FAT1: variants seen among roughly 807,000 people sequenced by gnomAD.
FAT1 encodes the protein FAT atypical cadherin 1.
FAT1 carries 171 observed loss-of-function variants against 329.8 expected under a neutral mutation model. That is an observed-to-expected ratio of 0.52 (90% CI 0.46 to 0.59). FAT1 has a LOEUF of 0.59. Ranked by LOEUF, FAT1 falls within the 20% of genes least tolerant of loss-of-function variation. The probability of loss-of-function intolerance (pLI) is 0.00; values close to 1 mark genes in which losing one functional copy is unlikely to be tolerated. For missense variants in FAT1, 5,672 were observed against 5,774.4 expected, an observed-to-expected ratio of 0.98 and a Z score of 0.57; for synonymous variants, 2,233 against 2,228.6, an observed-to-expected ratio of 1.00 and a Z score of -0.06.
intron 2 of FAT1, among the ~76,000 whole-genome samples, chr4:186,672,457 C>T (rs1336629924): frequency 6.6e-6 from 1 of 152,140 alleles, no homozygotes; most frequent in Non-Finnish European, 1.5e-5. Flanking sequence ...CACTGACCAC[C>T]ATGACCCAAT....
intron 2 of FAT1, among the ~76,000 whole-genome samples, chr4:186,684,653 A>C (rs1743380148): frequency 9.6e-6 from 1 of 104,256 alleles, no homozygotes; most frequent in South Asian, 3.9e-4. Flanking sequence ...TTAATCACTA[A>C]CTTGGGGGAT....
intron 26 of FAT1, among the ~76,000 whole-genome samples, chr4:186,592,139 G>A (rs1363213595): frequency 6.6e-6 from 1 of 152,084 alleles, no homozygotes; most frequent in East Asian, 1.9e-4. Context: ...CACTAATAAA[G>A]GGCTATTTTA....
At chr4:186,647,355 T>C (rs1311298781) in intron 3 of FAT1, among the ~76,000 whole-genome samples, 1 of 152,186 alleles carries the variant, frequency 6.6e-6, no homozygotes, top group Non-Finnish European at 1.5e-5. Context: ...CTACCTTTAT[T>C]TTTAAGATAT....
At chr4:186,609,040 G>A in intron 16 of FAT1, 143 bp downstream of exon 16, 2 of 763,564 alleles carry the variant, frequency 2.6e-6, no homozygotes, top group East Asian at 5.5e-5. Flanking sequence ...TAGTGTCATT[G>A]CTTTTCGAGT....
At chr4:186,681,541 C>A (rs1743205935) in intron 2 of FAT1, among the ~76,000 whole-genome samples, 1 of 152,138 alleles carries the variant, frequency 6.6e-6, no homozygotes, top group Admixed American at 6.5e-5. Context: ...GCCCAGGTGA[C>A]ATTCCTTATC....
intron 26 of FAT1, 47 bp downstream of exon 26, chr4:186,595,642 C>A: frequency 6.2e-7 from 1 of 1,606,954 alleles, no homozygotes; most frequent in South Asian, 1.1e-5. Context: ...AACACAGTAA[C>A]ACAACAAGCA....
intron 3 of FAT1, among the ~76,000 whole-genome samples, chr4:186,641,001 AT>A (rs1335133940): frequency 6.6e-6 from 1 of 152,210 alleles, no homozygotes; most frequent in Non-Finnish European, 1.5e-5. Flanking sequence ...AATAATTCAC[AT>A]TTAAGAATAG....
At chr4:186,643,993 T>C (rs1352523972) in intron 3 of FAT1, among the ~76,000 whole-genome samples, 1 of 152,164 alleles carries the variant, frequency 6.6e-6, no homozygotes, top group Non-Finnish European at 1.5e-5. Context: ...AAGGAAACTG[T>C]ACAGAACTTC....
In FAT1 at chr4:186,619,953, G is replaced by T. The variant is rs1739947956; in HGVS notation, c.6633C>A (p.Gly2211=). 1 of 1,613,842 alleles carries T rather than the reference G, an allele frequency of 6.2e-7. No homozygotes were observed. Among genetic ancestry groups the T allele is most frequent in the African/African-American group, 1.3e-5 (1 of 74,906 alleles). ...CTGTGATGCTGTAGAACACTTTCAG[G>T]CCTTCCGGGCTGTTAGCCTGCACGT... ...VVHVQANSPE[G]LKVFYSITDG... is the part of the protein sequence containing the mutation. Residue 2211 remains glycine, a synonymous_variant, in exon 10 of 27, where the codon GGC becomes GGA. Coordinates refer to ENST00000441802, the MANE Select transcript of FAT1 (RefSeq NM_005245.4).
chr4:186,600,487 C>G, intron 21 of FAT1, 127 bp from the exon 22 acceptor site: 1 of 701,670 alleles, frequency 1.4e-6, no homozygotes. Context: ...TTAAGTACTA[C>G]AGAGCACAGA....
At chr4:186,671,430 G>A (rs1041844805) in intron 2 of FAT1, among the ~76,000 whole-genome samples, 30 of 152,316 alleles carry the variant, frequency 2.0e-4, no homozygotes, top group African/African-American at 7.2e-4. Flanking sequence ...GGGCATGGTG[G>A]CTCATGCCTG....
In FAT1 at chr4:186,632,335, G is replaced by A. The variant is rs552309241; in HGVS notation, c.4323+1349C>T. Among the ~76,000 whole-genome samples, 60 of 152,246 alleles carry A rather than the reference G, an allele frequency of 3.9e-4. 1 individual carries two copies. Among genetic ancestry groups the A allele is most frequent in the African/African-American group, 1.4e-3 (57 of 41,560 alleles). On this transcript the variant is annotated intron_variant, in intron 7 of 26. Coordinates refer to ENST00000441802, the MANE Select transcript of FAT1 (RefSeq NM_005245.4). ...CTCCACTGTTTATGAAGCTCCTTTT[G>A]TTAGATTTCTGGGTAGTCGATTCTG...
chr4:186,657,483 G>A (rs1741957876), intron 3 of FAT1, among the ~76,000 whole-genome samples: 1 of 152,158 alleles, frequency 6.6e-6, no homozygotes, highest in East Asian at 1.9e-4. Flanking sequence ...TAGAGATGGA[G>A]GTGGGAGGGT....
rs190256320 is a variant in FAT1, at chr4:186,689,805, G to A, written c.3265+16758C>T. Among the ~76,000 whole-genome samples the A allele has an allele frequency of 2.3e-3, 350 of 152,156 alleles. 6 individuals are homozygous for A. The highest frequency in any genetic ancestry group is 0.019 in the Admixed American group (284 of 15,274). On this transcript the variant is annotated intron_variant, in intron 2 of 26. Coordinates refer to ENST00000441802, the MANE Select transcript of FAT1 (RefSeq NM_005245.4). ...CACACCCGCCACACGACTCGACTCC[G>A]CACACCACCTCACCTGGGCGATCAA...
chr4:186,683,696 C>A (rs927752609), intron 2 of FAT1, among the ~76,000 whole-genome samples: 2 of 152,064 alleles, frequency 1.3e-5, no homozygotes, highest in Non-Finnish European at 2.9e-5. Flanking sequence ...TTCCCCACAA[C>A]CTCCTCCTAG....
intron 16 of FAT1, 53 bp from the exon 17 acceptor site, chr4:186,606,266 T>A (rs1300743331): frequency 6.3e-7 from 1 of 1,598,146 alleles, no homozygotes; most frequent in Non-Finnish European, 8.5e-7. Context: ...CCGACAGAGC[T>A]CCAATGAGGA....
intron 2 of FAT1, among the ~76,000 whole-genome samples, chr4:186,687,662 T>G (rs750869539): frequency 2.0e-5 from 3 of 152,178 alleles, no homozygotes. Flanking sequence ...GTATAATGCG[T>G]ATATCTCAAA....
chr4:186,617,055 C>T lies in FAT1; in HGVS notation c.9025G>A (p.Val3009Ile), dbSNP rs1162345944. ...TTTGCATCCAGAACTTTCACTTCAACTATCGCTTTTGATGAGAAGGTGCCA... is the reference window on the plus strand; with the variant it reads ...TTTGCATCCAGAACTTTCACTTCAATTATCGCTTTTGATGAGAAGGTGCCA... ...TDGTFSSKAI[V>I]EVKVLDANDN... Residue 3009 changes from valine to isoleucine, a missense_variant, in exon 11 of 27, where the codon GTT becomes ATT. This residue lies in a region of FAT1 where 3,966 missense variants were observed against 3,915.2 expected (regional missense o/e 1.01). Transcript: ENST00000441802. 6.2e-7 allele frequency: 1 copy of T among 1,613,922 alleles called. No homozygotes were observed. The highest frequency in any genetic ancestry group is 2.2e-5 in the East Asian group (1 of 44,874).
At chr4:186,660,293 T>C (rs1275569662) in intron 3 of FAT1, among the ~76,000 whole-genome samples, 2 of 152,150 alleles carry the variant, frequency 1.3e-5, no homozygotes, top group Non-Finnish European at 2.9e-5. Flanking sequence ...CTTCAGGCCC[T>C]GAGGATCACA....
Sources: allele counts gnomAD v4.1 joint callset (sites outside exome capture counted in the v4.1 genomes callset), GRCh38; gene constraint gnomAD v4.1.1; regional missense constraint gnomAD v4.1.1; transcripts MANE v1.5; gene names NCBI Gene and HGNC (gene_info 2026-07-23, HGNC 2026-07-21).